SLC2A13: variants seen among roughly 807,000 people sequenced by gnomAD.
The protein encoded by SLC2A13 is solute carrier family 2 member 13, also known as proton myo-inositol cotransporter.
Under a neutral mutation model 64.4 loss-of-function variants are expected in SLC2A13, and 32 were observed. That is an observed-to-expected ratio of 0.50 (90% CI 0.37 to 0.67). The LOEUF is 0.67. Ranked by LOEUF, SLC2A13 falls within the 30% of genes least tolerant of loss-of-function variation. SLC2A13 has a pLI of 0.00. For synonymous variants in SLC2A13, 338 were observed against 327.1 expected (o/e 1.03, Z -0.36); for missense variants, 743 against 829.2 (o/e 0.90, Z 1.28).
chr12:40,092,373 T>C (rs546381470), intron 1 of SLC2A13, among the ~76,000 whole-genome samples: 1 of 152,332 alleles, frequency 6.6e-6, no homozygotes, highest in Admixed American at 6.5e-5. Context: ...CCATTTGCTA[T>C]GAAGAGTTGC....
intron 7 of SLC2A13, among the ~76,000 whole-genome samples, chr12:39,824,498 G>A (rs1295109969): frequency 6.6e-6 from 1 of 152,164 alleles, no homozygotes; most frequent in African/African-American, 2.4e-5. Flanking sequence ...GTGTTCAATC[G>A]GAGTCAGTTA....
intron 4 of SLC2A13, among the ~76,000 whole-genome samples, chr12:39,942,097 T>C (rs1052411276): frequency 1.3e-5 from 2 of 152,236 alleles, no homozygotes; most frequent in Non-Finnish European, 2.9e-5. Flanking sequence ...TACCATGCTG[T>C]TTTGGTGACT....
chr12:39,928,538 C>T (rs1052163861), intron 4 of SLC2A13, among the ~76,000 whole-genome samples: 1 of 152,246 alleles, frequency 6.6e-6, no homozygotes, highest in East Asian at 1.9e-4. Flanking sequence ...AAATGCGTAA[C>T]TGGTTAAAAA....
chr12:39,764,536 T>C lies in SLC2A13; in HGVS notation c.1644A>G (p.Ser548=). 1 of 1,612,368 alleles carries C rather than the reference T, an allele frequency of 6.2e-7. No individual in the cohort carries two copies. The change falls in exon 9 of 10, where the codon TCA becomes TCG. Residue 548 remains serine, a synonymous_variant. Coordinates refer to ENST00000280871, the MANE Select transcript of SLC2A13 (RefSeq NM_052885.4). ...LWARSTGNAC[S]SGINWIFNVL... ...CATTGAAAATCCAGTTTATTCCAGA[T>C]GAACATGCATTTCCTGTACTTCTTG... is the stretch of plus-strand genomic sequence containing the variant.
chr12:39,876,191 G>A (rs968272345), intron 4 of SLC2A13, among the ~76,000 whole-genome samples: 5 of 152,158 alleles, frequency 3.3e-5, no homozygotes, highest in East Asian at 1.9e-4. Flanking sequence ...AGCCAAGGCC[G>A]GAAATCTACG....
chr12:39,938,878 T>C (rs1239968749), intron 4 of SLC2A13, among the ~76,000 whole-genome samples: 1 of 152,166 alleles, frequency 6.6e-6, no homozygotes, highest in African/African-American at 2.4e-5. Flanking sequence ...GGAAACTCAC[T>C]ATAGAATCTG....
chr12:39,918,294 G>A (rs1413451910), intron 4 of SLC2A13, among the ~76,000 whole-genome samples: 2 of 151,572 alleles, frequency 1.3e-5, no homozygotes, highest in African/African-American at 2.4e-5. Flanking sequence ...GAGCTTTGAT[G>A]TAACTAAATT....
chr12:40,019,854 T>C (rs1298385656), intron 3 of SLC2A13, among the ~76,000 whole-genome samples: 1 of 152,202 alleles, frequency 6.6e-6, no homozygotes, highest in Non-Finnish European at 1.5e-5. Flanking sequence ...CAGCAACTGA[T>C]TATAGTTCCG....
At chr12:39,877,230 G>GA (rs1944209243) in intron 4 of SLC2A13, among the ~76,000 whole-genome samples, 1 of 152,182 alleles carries the variant, frequency 6.6e-6, no homozygotes, top group Non-Finnish European at 1.5e-5. Flanking sequence ...AATGGACTCA[G>GA]AGTTCCACAT....
chr12:39,975,007 T>C (rs1350125133), intron 3 of SLC2A13, among the ~76,000 whole-genome samples: 1 of 152,228 alleles, frequency 6.6e-6, no homozygotes, highest in African/African-American at 2.4e-5. Flanking sequence ...TTAAAGTTCA[T>C]ATTAGCATCA....
At chr12:39,828,972 A>G (rs1469068149) in intron 7 of SLC2A13, among the ~76,000 whole-genome samples, 2 of 152,094 alleles carry the variant, frequency 1.3e-5, no homozygotes, top group African/African-American at 4.8e-5. Flanking sequence ...ACTTCTTTGG[A>G]GCAGTTCTCT....
At chr12:39,820,433 C>T (rs1942458611) in intron 7 of SLC2A13, among the ~76,000 whole-genome samples, 1 of 152,104 alleles carries the variant, frequency 6.6e-6, no homozygotes, top group Non-Finnish European at 1.5e-5. Flanking sequence ...AATGCTAAAA[C>T]ATGGATTGCT....
At chr12:39,778,128 C>T (rs1267350896) in intron 7 of SLC2A13, among the ~76,000 whole-genome samples, 1 of 152,132 alleles carries the variant, frequency 6.6e-6, no homozygotes, top group Non-Finnish European at 1.5e-5. Context: ...AGAAGTGAGC[C>T]ACACCCCCAT....
At chr12:39,831,502 T>C (rs1397089971) in intron 6 of SLC2A13, among the ~76,000 whole-genome samples, 1 of 152,172 alleles carries the variant, frequency 6.6e-6, no homozygotes, top group Non-Finnish European at 1.5e-5. Flanking sequence ...TATGAAAGAA[T>C]ATTTCTTAAT....
At chr12:39,799,527 G>T (rs1213016359) in intron 7 of SLC2A13, among the ~76,000 whole-genome samples, 1 of 151,624 alleles carries the variant, frequency 6.6e-6, no homozygotes, top group Non-Finnish European at 1.5e-5. Context: ...CTTAGAACTG[G>T]CAGAGTAGAG....
intron 1 of SLC2A13, among the ~76,000 whole-genome samples, chr12:40,098,754 T>C (rs1172452049): frequency 3.3e-5 from 5 of 152,232 alleles, no homozygotes; most frequent in Non-Finnish European, 7.3e-5. Flanking sequence ...GTAACCGTAT[T>C]ATCCCCCTGG....
chr12:40,058,074 TA>T (rs1565608581), intron 1 of SLC2A13, among the ~76,000 whole-genome samples: 1 of 151,110 alleles, frequency 6.6e-6, no homozygotes, highest in African/African-American at 2.4e-5. Context: ...GATAGATAGA[TA>T]GATAGATAGA....
At chr12:39,941,074 C>T (rs1308587882) in intron 4 of SLC2A13, among the ~76,000 whole-genome samples, 1 of 151,578 alleles carries the variant, frequency 6.6e-6, no homozygotes, top group Non-Finnish European at 1.5e-5. Context: ...AGTATTCCAT[C>T]ATATATATAT....
intron 3 of SLC2A13, among the ~76,000 whole-genome samples, chr12:40,004,945 G>A (rs1947389647): frequency 6.6e-6 from 1 of 152,140 alleles, no homozygotes; most frequent in Non-Finnish European, 1.5e-5. Context: ...TCTTCACACT[G>A]AGTAGGATGA....
Sources: allele counts gnomAD v4.1 joint callset (sites outside exome capture counted in the v4.1 genomes callset), GRCh38; gene constraint gnomAD v4.1.1; transcripts MANE v1.5; gene names NCBI Gene and HGNC (gene_info 2026-07-23, HGNC 2026-07-21).